The following GRID2 variants were observed in gnomAD, a reference collection of about 807,000 sequenced individuals.
The protein encoded by GRID2 is glutamate receptor ionotropic, delta-2.
A neutral mutation model predicts 114.8 loss-of-function variants in GRID2; 33 were observed. That is an observed-to-expected ratio of 0.29 (90% confidence interval 0.22 to 0.38). The LOEUF (loss-of-function observed/expected upper bound fraction) is 0.38, where lower values mean the gene tolerates loss of function less well. Among genes scored for constraint, GRID2 ranks in the 10% least tolerant of loss-of-function variants. The probability of loss-of-function intolerance (pLI) is 1.00; values close to 1 mark genes in which losing one functional copy is unlikely to be tolerated. For synonymous variants in GRID2, 505 were observed against 449.9 expected (o/e 1.12, Z -1.55); for missense variants, 1,184 against 1,257.7 (o/e 0.94, Z 0.89).
At chr4:92,506,556 T>A (rs949361728) in intron 1 of GRID2, among the ~76,000 whole-genome samples, 1 of 151,900 alleles carries the variant, frequency 6.6e-6, no homozygotes. Flanking sequence ...CTATGAAGAG[T>A]ACTGAATCTT....
At chr4:93,317,052 G>A (rs761970633) in intron 8 of GRID2, among the ~76,000 whole-genome samples, 8 of 152,086 alleles carry the variant, frequency 5.3e-5, no homozygotes, top group Non-Finnish European at 1.2e-4. Context: ...GTTAAGCATT[G>A]CAGGATCATT....
At chr4:93,596,872 G>T (rs78750682) in intron 13 of GRID2, among the ~76,000 whole-genome samples, 13 of 152,160 alleles carry the variant, frequency 8.5e-5, no homozygotes, top group African/African-American at 3.1e-4. Flanking sequence ...GATTTAATAC[G>T]GATCTGGTTT....
At chr4:93,658,829 G>T (rs1284891265) in intron 14 of GRID2, among the ~76,000 whole-genome samples, 3 of 152,144 alleles carry the variant, frequency 2.0e-5, no homozygotes, top group Non-Finnish European at 2.9e-5. Flanking sequence ...TTTTTATATA[G>T]GGAAACTGAA....
intron 12 of GRID2, among the ~76,000 whole-genome samples, chr4:93,502,295 G>T (rs916452888): frequency 6.6e-6 from 1 of 151,782 alleles, no homozygotes; most frequent in Non-Finnish European, 1.5e-5. Flanking sequence ...CCAATTCTTC[G>T]CTCACTGCAC....
intron 2 of GRID2, among the ~76,000 whole-genome samples, chr4:92,735,741 CT>C (rs550436853): frequency 1.6e-4 from 25 of 151,710 alleles, no homozygotes; most frequent in African/African-American, 6.0e-4. Flanking sequence ...TCACTAGCTT[CT>C]TTTTTTTATT....
intron 14 of GRID2, among the ~76,000 whole-genome samples, chr4:93,692,401 G>T (rs1035662524): frequency 4.6e-5 from 7 of 152,064 alleles, no homozygotes; most frequent in East Asian, 3.8e-4. Flanking sequence ...CCTCATGGGG[G>T]TATTATGAGG....
At chr4:92,409,022 G>A (rs1731168817) in intron 1 of GRID2, among the ~76,000 whole-genome samples, 1 of 152,110 alleles carries the variant, frequency 6.6e-6, no homozygotes, top group Admixed American at 6.6e-5. Flanking sequence ...TAGGAGTGGT[G>A]AGAGTGAGCG....
intron 14 of GRID2, among the ~76,000 whole-genome samples, chr4:93,755,746 A>G (rs1001809512): frequency 7.2e-5 from 11 of 152,234 alleles, no homozygotes; most frequent in African/African-American, 2.7e-4. Flanking sequence ...ATCACCATTT[A>G]GAACAAAGTT....
intron 1 of GRID2, among the ~76,000 whole-genome samples, chr4:92,343,539 A>C (rs2110167587): frequency 6.6e-6 from 1 of 152,180 alleles, no homozygotes; most frequent in South Asian, 2.1e-4. Flanking sequence ...AATGTGTTAT[A>C]TATAAAAATA....
chr4:93,805,979 C>A (rs1348459892), intron 1 of GRID2, among the ~76,000 whole-genome samples: 1 of 152,038 alleles, frequency 6.6e-6, no homozygotes, highest in Non-Finnish European at 1.5e-5. Flanking sequence ...TGCCTGTGGT[C>A]CCAGCTACTC....
intron 2 of GRID2, among the ~76,000 whole-genome samples, chr4:92,861,038 A>G (rs986708649): frequency 2.6e-5 from 4 of 152,224 alleles, no homozygotes; most frequent in Non-Finnish European, 2.9e-5. Context: ...GTCTAAGTAA[A>G]TCAATCCTTC....
intron 1 of GRID2, among the ~76,000 whole-genome samples, chr4:93,788,344 C>G (rs1734634496): frequency 6.6e-6 from 1 of 151,758 alleles, no homozygotes; most frequent in African/African-American, 2.4e-5. Context: ...AAACGTAAAG[C>G]CTAGGTTTTG....
intron 3 of GRID2, among the ~76,000 whole-genome samples, chr4:93,108,250 G>T (rs1317969208): frequency 6.6e-6 from 1 of 152,114 alleles, no homozygotes; most frequent in African/African-American, 2.4e-5. Flanking sequence ...CAAACACTTA[G>T]TGTGCTTTGT....
intron 2 of GRID2, among the ~76,000 whole-genome samples, chr4:92,838,476 G>A (rs1742634047): frequency 6.6e-6 from 1 of 151,956 alleles, no homozygotes; most frequent in African/African-American, 2.4e-5. Context: ...CTAGCTTTTA[G>A]CAAATCAAAT....
intron 14 of GRID2, among the ~76,000 whole-genome samples, chr4:93,666,891 A>G (rs1723995373): frequency 6.6e-6 from 1 of 152,124 alleles, no homozygotes; most frequent in Admixed American, 6.6e-5. Context: ...CAAAATCTTT[A>G]TAAAATTCTT....
chr4:93,480,023 C>G (rs1725693657), intron 11 of GRID2, among the ~76,000 whole-genome samples: 1 of 152,038 alleles, frequency 6.6e-6, no homozygotes, highest in South Asian at 2.1e-4. Flanking sequence ...CACAAAATAG[C>G]TTTTCTTCAT....
chr4:92,995,797 A>G (rs1755162337), intron 2 of GRID2, among the ~76,000 whole-genome samples: 1 of 152,176 alleles, frequency 6.6e-6, no homozygotes, highest in Non-Finnish European at 1.5e-5. Context: ...TAGACTTCTC[A>G]GATAATGCTA....
At chr4:92,686,986 G>A (rs1318584418) in intron 2 of GRID2, among the ~76,000 whole-genome samples, 1 of 152,034 alleles carries the variant, frequency 6.6e-6, no homozygotes, top group African/African-American at 2.4e-5. Flanking sequence ...TCTCTGTCTT[G>A]TCATTATAAG....
At chr4:92,975,649 T>G (rs896237213) in intron 2 of GRID2, among the ~76,000 whole-genome samples, 3 of 152,170 alleles carry the variant, frequency 2.0e-5, no homozygotes, top group African/African-American at 7.2e-5. Flanking sequence ...TAAGTGCTTT[T>G]TACAATCAAT....
Sources: allele counts gnomAD v4.1 joint callset (sites outside exome capture counted in the v4.1 genomes callset), GRCh38; gene constraint gnomAD v4.1.1; transcripts MANE v1.5; gene names NCBI Gene and HGNC (gene_info 2026-07-23, HGNC 2026-07-21).